Variants in PRELID3A observed in about 807,000 individuals in gnomAD.
PRELID3A encodes the protein PRELI domain containing protein 3A.
A neutral mutation model predicts 23.0 loss-of-function variants in PRELID3A; 27 were observed. The observed-to-expected ratio is 1.17, with a 90% CI of 0.87 to 1.62. The LOEUF (loss-of-function observed/expected upper bound fraction) is 1.62. PRELID3A is among the 40% of genes most tolerant of loss of function. The pLI, the probability that PRELID3A is intolerant of heterozygous loss-of-function variation, is 0.00. For synonymous variants in PRELID3A, 87 were observed against 86.4 expected (o/e 1.01, Z -0.04); for missense variants, 231 against 231.4 (o/e 1.00, Z 0.01).
chr18:12,425,985 C>T (rs1017836654), intron 3 of PRELID3A, among the ~76,000 whole-genome samples: 1 of 151,996 alleles, frequency 6.6e-6, no homozygotes, highest in Non-Finnish European at 1.5e-5. Context: ...GCCTGTAATC[C>T]CAACACTTTG....
chr18:12,409,277 G>C (rs1039548031), intron 1 of PRELID3A, among the ~76,000 whole-genome samples: 1 of 143,250 alleles, frequency 7.0e-6, no homozygotes, highest in Non-Finnish European at 1.5e-5. Flanking sequence ...AGTGATTCTC[G>C]TGCCTCAGCC....
In PRELID3A at chr18:12,425,348, C is replaced by G. The variant is rs529262098; in HGVS notation, c.292-1693C>G. Among the ~76,000 whole-genome samples, 3 of 151,450 alleles carry G rather than the reference C, an allele frequency of 2.0e-5. No homozygotes were observed. The East Asian group carries it at 5.9e-4, about 30-fold the overall frequency. On this transcript the variant is annotated intron_variant, in intron 3 of 6. Coordinates refer to ENST00000440960, the MANE Select transcript of PRELID3A (RefSeq NM_001142405.2). ...TTTGACAGAAAATATAGGCTGGGCG[C>G]AGTGGCTCATGCCTGTAATCCCAGC...
At chr18:12,421,143 CTCAG>C (rs1016724990) in intron 2 of PRELID3A, 28 of 187,510 alleles carry the variant, frequency 1.5e-4, no homozygotes, top group Admixed American at 1.1e-3. Flanking sequence ...GCGCAGGCCT[CTCAG>C]TCAGCCCAGC....
intron 3 of PRELID3A, among the ~76,000 whole-genome samples, chr18:12,423,786 C>A (rs1255179408): frequency 6.6e-6 from 1 of 152,206 alleles, no homozygotes; most frequent in Non-Finnish European, 1.5e-5. Flanking sequence ...GGCAGCTCCC[C>A]ATCTTCTCAG....
At chr18:12,416,910 A>G (rs373256207) in intron 1 of PRELID3A, among the ~76,000 whole-genome samples, 4 of 151,878 alleles carry the variant, frequency 2.6e-5, no homozygotes, top group African/African-American at 7.2e-5. Flanking sequence ...CTCCCAAAGT[A>G]CTGGGATTAC....
At chr18:12,413,193 G>A (rs1451727337) in intron 1 of PRELID3A, among the ~76,000 whole-genome samples, 1 of 152,192 alleles carries the variant, frequency 6.6e-6, no homozygotes, top group Non-Finnish European at 1.5e-5. Context: ...ATAGAGTATT[G>A]AACTCTGAGG....
At chr18:12,424,634 A>G (rs915423823) in intron 3 of PRELID3A, among the ~76,000 whole-genome samples, 4 of 152,204 alleles carry the variant, frequency 2.6e-5, no homozygotes, top group African/African-American at 9.7e-5. Context: ...AGGCTGGGGG[A>G]GGGATTCAGT....
At chr18:12,421,474 TA>T in intron 2 of PRELID3A, 65 bp from the exon 3 acceptor site, 1 of 925,782 alleles carries the variant, frequency 1.1e-6, no homozygotes, top group South Asian at 1.3e-5. Context: ...AATGCAATGG[TA>T]TTCGGTGGTG....
At chr18:12,412,066 A>G (rs1415620823) in intron 1 of PRELID3A, among the ~76,000 whole-genome samples, 1 of 151,076 alleles carries the variant, frequency 6.6e-6, no homozygotes. Flanking sequence ...GCCCGCCACC[A>G]CGCCTGACTA....
chr18:12,410,520 A>G (rs181863907), intron 1 of PRELID3A, among the ~76,000 whole-genome samples: 12 of 152,296 alleles, frequency 7.9e-5, no homozygotes, highest in Admixed American at 6.5e-4. Context: ...ATGACAGTAC[A>G]AATTGGAAGT....
chr18:12,431,323 C>G lies in PRELID3A; in HGVS notation c.*207C>G, dbSNP rs549446650. 2 of 152,592 alleles carry G rather than the reference C, an allele frequency of 1.3e-5. No individual in the cohort carries two copies. The highest frequency in any genetic ancestry group is 4.8e-5 in the African/African-American group (2 of 41,538). The allele number at this position is 152,592 out of a possible 1,614,324, so 9.5% of individuals were successfully genotyped here. On this transcript the variant is annotated 3_prime_UTR_variant, in exon 7 of 7. Coordinates refer to ENST00000440960, the MANE Select transcript of PRELID3A (RefSeq NM_001142405.2). ...TGTCCCTCCCCTCATGAGCGTGCAA[C>G]AGGGAGCAGCCCCAGCCAGCCCCAC...
chr18:12,429,642 C>T lies in PRELID3A; in HGVS notation c.*33+206C>T, dbSNP rs183112809. Among the ~76,000 whole-genome samples, 216 of 152,304 alleles carry T rather than the reference C, an allele frequency of 1.4e-3. 1 individual carries two copies. Among genetic ancestry groups the T allele is most frequent in the Admixed American group, 0.011 (169 of 15,290 alleles). Reference sequence around the variant, plus strand: ...TTGCTTCGTGGCAGGATTTAGATTCCGAGGAAGCTTGAGCTGCGGCCCTCT... The same window carrying T: ...TTGCTTCGTGGCAGGATTTAGATTCTGAGGAAGCTTGAGCTGCGGCCCTCT... On this transcript the variant is annotated intron_variant, in intron 6 of 6. Transcript: ENST00000440960.
At chr18:12,420,606 T>G in intron 2 of PRELID3A, 113 bp downstream of exon 2, 31 of 735,988 alleles carry the variant, frequency 4.2e-5, no homozygotes, top group Non-Finnish European at 4.7e-5. Flanking sequence ...TTGGCTGCCA[T>G]CGGGGTGGGA....
intron 1 of PRELID3A, among the ~76,000 whole-genome samples, chr18:12,418,749 G>A (rs2030041630): frequency 1.3e-5 from 2 of 152,216 alleles, no homozygotes; most frequent in Admixed American, 6.5e-5. Flanking sequence ...TTAGCAGTCC[G>A]GGGGAAGGTC....
At position 12,411,547 on chromosome 18, in the gene PRELID3A, C is replaced by T. The variant is rs146888327; in HGVS notation, c.32+3540C>T. ...GTTTCAGGCAGACCTATGACAAAATCATCAATAACAAAGCCCATCACAAAT... is the reference window on the plus strand; with the variant it reads ...GTTTCAGGCAGACCTATGACAAAATTATCAATAACAAAGCCCATCACAAAT... On this transcript the variant is annotated intron_variant, in intron 1 of 6. Coordinates refer to ENST00000440960, the MANE Select transcript of PRELID3A (RefSeq NM_001142405.2). Among the ~76,000 whole-genome samples the T allele has an allele frequency of 3.0e-4, 45 of 151,464 alleles. No individual in the cohort carries two copies. In the East Asian group the frequency reaches 5.3e-3, roughly 18 times the overall value.
At chr18:12,427,978 A>G (rs1270399430) in intron 5 of PRELID3A, among the ~76,000 whole-genome samples, 2 of 152,182 alleles carry the variant, frequency 1.3e-5, no homozygotes, top group African/African-American at 4.8e-5. Context: ...CTAACCCACA[A>G]CATCAGAAAT....
intron 1 of PRELID3A, among the ~76,000 whole-genome samples, chr18:12,417,341 T>C (rs1198472991): frequency 6.6e-6 from 1 of 152,002 alleles, no homozygotes; most frequent in East Asian, 1.9e-4. Context: ...GCCTGGCTAA[T>C]TTTTGTATTT....
At chr18:12,414,849 G>C (rs16977185) in intron 1 of PRELID3A, among the ~76,000 whole-genome samples, 25,604 of 151,996 alleles carry the variant, frequency 0.17, 2,574 homozygotes, top group East Asian at 0.33. Context: ...CAAATGCTAA[G>C]GAGCAGCTGA....
intron 1 of PRELID3A, among the ~76,000 whole-genome samples, chr18:12,416,746 C>A (rs969294102): frequency 4.0e-5 from 6 of 151,302 alleles, no homozygotes; most frequent in Non-Finnish European, 8.8e-5. Context: ...CCCGGGTTCA[C>A]GCCATTCTCC....
Sources: gnomAD v4.1 joint callset for allele counts (sites outside exome capture counted in the v4.1 genomes callset) on GRCh38, gnomAD v4.1.1 for gene constraint, MANE v1.5 for transcripts, NCBI Gene and HGNC (gene_info 2026-07-23, HGNC 2026-07-21) for gene names.